THRB: variants seen among roughly 807,000 people sequenced by gnomAD.
THRB encodes thyroid hormone receptor beta.
THRB carries 12 observed loss-of-function variants against 47.8 expected under a neutral mutation model. The observed-to-expected ratio is 0.25, with a 90% CI of 0.16 to 0.41. The LOEUF (loss-of-function observed/expected upper bound fraction) is 0.41, where lower values mean the gene tolerates loss of function less well. THRB is among the 10% of genes least tolerant of loss of function. The pLI, the probability that THRB is intolerant of heterozygous loss-of-function variation, is 1.00. For missense variants in THRB, 348 were observed against 589.2 expected (o/e 0.59, Z 4.24); for synonymous variants, 218 against 212.2 (o/e 1.03, Z -0.24).
intron 1 of THRB, among the ~76,000 whole-genome samples, chr3:24,379,817 T>C (rs554274961): frequency 6.6e-6 from 1 of 152,162 alleles, no homozygotes; most frequent in East Asian, 1.9e-4. Context: ...TTAAACCCTG[T>C]TACTTCCAGG....
intron 9 of THRB, among the ~76,000 whole-genome samples, chr3:24,128,265 T>A (rs1461809638): frequency 6.6e-6 from 1 of 152,212 alleles, no homozygotes; most frequent in East Asian, 1.9e-4. Flanking sequence ...AGAGGGTTGT[T>A]GGCAGAGATA....
chr3:24,422,243 A>G lies in THRB; in HGVS notation c.-261+72409T>C, dbSNP rs571306030. Among the ~76,000 whole-genome samples the G allele has an allele frequency of 3.3e-5, 5 of 152,080 alleles. No individual in the cohort carries two copies. The South Asian group carries it at 1.0e-3, about 32-fold the overall frequency. On this transcript the variant is annotated intron_variant, in intron 1 of 10. Coordinates refer to ENST00000646209, the MANE Select transcript of THRB (RefSeq NM_001354712.2). ...GTGCTATGTTATCACAGTTTCCATT[A>G]AAAGTGGTCATTTGAGAAACTTAGT... is the stretch of plus-strand genomic sequence containing the variant.
intron 1 of THRB, among the ~76,000 whole-genome samples, chr3:24,373,476 T>A (rs1006934331): frequency 3.9e-5 from 6 of 152,104 alleles, no homozygotes; most frequent in Non-Finnish European, 5.9e-5. Flanking sequence ...CAGCCATGAC[T>A]TCTGGCTGCC....
chr3:24,454,790 A>T (rs1424274569), intron 1 of THRB, among the ~76,000 whole-genome samples: 1 of 152,170 alleles, frequency 6.6e-6, no homozygotes, highest in Non-Finnish European at 1.5e-5. Flanking sequence ...GACAAGATAT[A>T]AGAGATAATG....
chr3:24,306,780 G>C (rs888286101), intron 2 of THRB, among the ~76,000 whole-genome samples: 1 of 152,154 alleles, frequency 6.6e-6, no homozygotes, highest in Admixed American at 6.5e-5. Context: ...CTGTAACCAC[G>C]TACGGTTGGA....
At chr3:24,277,722 T>A (rs2054081339) in intron 3 of THRB, among the ~76,000 whole-genome samples, 1 of 152,248 alleles carries the variant, frequency 6.6e-6, no homozygotes, top group Non-Finnish European at 1.5e-5. Context: ...AGAATTAAGC[T>A]AGTTATAAAG....
At chr3:24,194,349 AT>A (rs11304075) in intron 4 of THRB, among the ~76,000 whole-genome samples, 141,647 of 152,148 alleles carry the variant, frequency 0.93, 65,965 homozygotes, top group South Asian at 0.96. Context: ...TAGAAGTAAT[AT>A]TTTTTTTTAA....
chr3:24,447,290 A>G (rs1235063605), intron 1 of THRB, among the ~76,000 whole-genome samples: 2 of 152,200 alleles, frequency 1.3e-5, no homozygotes, highest in Non-Finnish European at 2.9e-5. Context: ...ACCCTTAAGT[A>G]TGATTGAATA....
Position 24,165,509 on chromosome 3 carries a change from A to G in THRB, c.284-13019T>C, listed in dbSNP as rs927545978. 1.0e-5 allele frequency: 6 copies of G among 585,580 alleles called. No homozygotes were observed. In the African/African-American group the frequency reaches 1.1e-4, roughly 11 times the overall value. 36.3% of individuals were successfully genotyped at this position (585,580 alleles called of 1,614,324 possible). A position where few individuals can be genotyped will look rare whatever the true frequency, so the allele number is the denominator to read the frequency against. ...GGAAGATGAATAAACACCACCACCA[A>G]CACAGCAACCCAGCCTGCTTTACTT... On this transcript the variant is annotated intron_variant, in intron 5 of 10. Coordinates refer to ENST00000646209, the MANE Select transcript of THRB (RefSeq NM_001354712.2).
intron 1 of THRB, among the ~76,000 whole-genome samples, chr3:24,480,691 AAAG>A (rs1696225360): frequency 6.6e-6 from 1 of 152,226 alleles, no homozygotes; most frequent in Non-Finnish European, 1.5e-5. Flanking sequence ...TAAAACCACA[AAAG>A]AGCCAAAATG....
At chr3:24,364,601 C>T (rs1449750309) in intron 1 of THRB, among the ~76,000 whole-genome samples, 1 of 152,108 alleles carries the variant, frequency 6.6e-6, no homozygotes, top group African/African-American at 2.4e-5. Context: ...AGAATTCAAA[C>T]TTCATTCTAA....
At chr3:24,492,421 C>A (rs1160119009) in intron 1 of THRB, among the ~76,000 whole-genome samples, 1 of 152,164 alleles carries the variant, frequency 6.6e-6, no homozygotes, top group African/African-American at 2.4e-5. Flanking sequence ...GAGGGACCGC[C>A]TTTGCTCAAG....
chr3:24,368,522 A>G (rs1451692256), intron 1 of THRB, among the ~76,000 whole-genome samples: 2 of 152,234 alleles, frequency 1.3e-5, no homozygotes, highest in African/African-American at 2.4e-5. Flanking sequence ...TAGAAAGAGG[A>G]GATGGAAAGG....
intron 4 of THRB, among the ~76,000 whole-genome samples, chr3:24,196,615 T>C (rs2043983921): frequency 6.6e-6 from 1 of 152,162 alleles, no homozygotes; most frequent in Non-Finnish European, 1.5e-5. Context: ...AAGAATTTCA[T>C]AAATGACTCC....
intron 3 of THRB, among the ~76,000 whole-genome samples, chr3:24,264,375 T>A: frequency 6.6e-6 from 1 of 152,186 alleles, no homozygotes; most frequent in Non-Finnish European, 1.5e-5. Context: ...CTGTGTTTAT[T>A]GTACCTCTTA....
At chr3:24,233,709 G>A (rs1350598646) in intron 3 of THRB, among the ~76,000 whole-genome samples, 2 of 152,160 alleles carry the variant, frequency 1.3e-5, no homozygotes, top group Non-Finnish European at 2.9e-5. Context: ...GATGGAAAAC[G>A]TATCTTAAGG....
chr3:24,310,060 G>A (rs915636403), intron 2 of THRB, among the ~76,000 whole-genome samples: 1 of 151,602 alleles, frequency 6.6e-6, no homozygotes, highest in Non-Finnish European at 1.5e-5. Flanking sequence ...CTAAATGGGA[G>A]CCATATATCA....
chr3:24,239,254 C>T (rs1183810447), intron 3 of THRB, among the ~76,000 whole-genome samples: 1 of 152,038 alleles, frequency 6.6e-6, no homozygotes, highest in African/African-American at 2.4e-5. Flanking sequence ...ACATTAGGTT[C>T]TTGTTTAATT....
intron 1 of THRB, among the ~76,000 whole-genome samples, chr3:24,414,493 A>G (rs1206731140): frequency 6.6e-6 from 1 of 151,238 alleles, no homozygotes; most frequent in Non-Finnish European, 1.5e-5. Flanking sequence ...AATTCAGGCC[A>G]AAAAAAAAGT....
Sources: allele counts gnomAD v4.1 joint callset (sites outside exome capture counted in the v4.1 genomes callset), GRCh38; gene constraint gnomAD v4.1.1; transcripts MANE v1.5; gene names NCBI Gene and HGNC (gene_info 2026-07-23, HGNC 2026-07-21).